IRAG2: variants seen among roughly 807,000 people sequenced by gnomAD.
IRAG2 encodes the protein lymphoid restricted membrane protein.
Under a neutral mutation model 69.9 loss-of-function variants are expected in IRAG2, and 45 were observed. The observed-to-expected ratio is 0.64, with a 90% CI of 0.51 to 0.83. IRAG2 has a LOEUF of 0.83. IRAG2 is among the 40% of genes least tolerant of loss of function. IRAG2 has a pLI of 0.00. For synonymous variants in IRAG2, 193 were observed against 202.4 expected (o/e 0.95, Z 0.40); for missense variants, 520 against 587.0 (o/e 0.89, Z 1.18).
intron 1 of IRAG2, among the ~76,000 whole-genome samples, chr12:25,058,207 C>T (rs1266685703): frequency 6.6e-6 from 1 of 152,144 alleles, no homozygotes; most frequent in East Asian, 1.9e-4. Flanking sequence ...ATTTCACGCT[C>T]CCACCAGCAG....
chr12:25,050,527 CAAA>C, upstream of IRAG2, among the ~76,000 whole-genome samples: 1 of 47,880 alleles, frequency 2.1e-5, no homozygotes, highest in Non-Finnish European at 6.4e-5. Context: ...GACTCCGTCT[CAAA>C]AAAAACAAAC....
At chr12:25,089,952 G>T (rs973014404) in intron 13 of IRAG2, 105 bp from the exon 14 acceptor site, 2 of 1,341,388 alleles carry the variant, frequency 1.5e-6, no homozygotes, top group Admixed American at 1.8e-5. Context: ...TTATGTTGCT[G>T]GGGGGAGAAA....
intron 13 of IRAG2, 69 bp downstream of exon 13, chr12:25,089,859 T>G (rs925436672): frequency 2.2e-5 from 34 of 1,517,150 alleles, no homozygotes; most frequent in African/African-American, 4.1e-5. Flanking sequence ...AGTCACTTCA[T>G]GTTTTGGCAC....
At chr12:25,089,533 G>A in intron 11 of IRAG2, 81 bp from the exon 12 acceptor site, 1 of 757,946 alleles carries the variant, frequency 1.3e-6, no homozygotes, top group Non-Finnish European at 2.2e-6. Context: ...CTTTTGTTTA[G>A]TGGAGATATA....
intron 4 of IRAG2, 146 bp from the exon 5 acceptor site, chr12:25,066,218 AG>A (rs1945974090): frequency 2.6e-6 from 1 of 380,460 alleles, no homozygotes; most frequent in East Asian, 3.8e-5. Flanking sequence ...CTCTGTGATT[AG>A]GCATCAAGGG....
chr12:25,056,949 C>T (rs1451934756), intron 1 of IRAG2, among the ~76,000 whole-genome samples: 1 of 152,190 alleles, frequency 6.6e-6, no homozygotes, highest in Non-Finnish European at 1.5e-5. Flanking sequence ...GGCTCTACCC[C>T]AGCCTTGTAG....
intron 1 of IRAG2, among the ~76,000 whole-genome samples, chr12:25,060,668 C>CTTT (rs753591747): frequency 2.3e-4 from 23 of 99,268 alleles, no homozygotes; most frequent in East Asian, 5.8e-4. Context: ...AATGTATTTT[C>CTTT]TTTTTTTTTT....
intron 15 of IRAG2, among the ~76,000 whole-genome samples, chr12:25,098,995 C>T (rs1045893102): frequency 1.3e-5 from 2 of 152,238 alleles, no homozygotes; most frequent in Non-Finnish European, 2.9e-5. Context: ...CTCTACATCA[C>T]GGGCTGCTCC....
chr12:25,020,187 A>G (rs1470021353), intron 6 of IRAG2, among the ~76,000 whole-genome samples: 1 of 152,248 alleles, frequency 6.6e-6, no homozygotes, highest in Non-Finnish European at 1.5e-5. Context: ...AGGTAACTTC[A>G]TGATATGGAT....
chr12:25,076,803 G>T (rs995980353), intron 6 of IRAG2, among the ~76,000 whole-genome samples: 3 of 151,688 alleles, frequency 2.0e-5, no homozygotes, highest in East Asian at 1.9e-4. Context: ...TTTATGAAGG[G>T]TTACACTCAA....
At chr12:25,096,859 C>T (rs749000564) in intron 14 of IRAG2, 51 bp from the exon 15 acceptor site, 12 of 1,505,792 alleles carry the variant, frequency 8.0e-6, no homozygotes, top group Non-Finnish European at 1.1e-5. Flanking sequence ...GTTAGAATCA[C>T]TCGCTGAATG....
chr12:25,003,523 A>G (rs1944408171), upstream of IRAG2, among the ~76,000 whole-genome samples: 1 of 152,072 alleles, frequency 6.6e-6, no homozygotes, highest in South Asian at 2.1e-4. Context: ...GATTATTTTA[A>G]ATCTTACTAG....
chr12:25,077,220 A>AATAT (rs10627418), intron 6 of IRAG2, among the ~76,000 whole-genome samples: 2 of 36,712 alleles, frequency 5.4e-5, no homozygotes, highest in African/African-American at 1.1e-4. Flanking sequence ...ATATATATGA[A>AATAT]ATATATATGA....
At chr12:25,005,017 G>C (rs1390082197) in intron 1 of IRAG2, 1 of 761,580 alleles carries the variant, frequency 1.3e-6, no homozygotes, top group Non-Finnish European at 1.8e-6. Flanking sequence ...TTAAAGTTTG[G>C]ATGGAATCAT....
chr12:25,058,609 G>A (rs1393624810), intron 1 of IRAG2, among the ~76,000 whole-genome samples: 1 of 152,154 alleles, frequency 6.6e-6, no homozygotes, highest in Admixed American at 6.5e-5. Context: ...ATCCATCATT[G>A]ATAGCTAACA....
At chr12:25,079,324 A>C in intron 7 of IRAG2, 34 bp downstream of exon 7, 1 of 1,611,166 alleles carries the variant, frequency 6.2e-7, no homozygotes, top group Non-Finnish European at 8.5e-7. Context: ...GTGAATTTGT[A>C]TGCATATTTA....
chr12:25,072,845 G>A (rs995816016), intron 6 of IRAG2, among the ~76,000 whole-genome samples: 3 of 152,246 alleles, frequency 2.0e-5, no homozygotes, highest in African/African-American at 7.2e-5. Context: ...AGCCTATATT[G>A]TCAGAATATA....
intron 2 of IRAG2, among the ~76,000 whole-genome samples, chr12:25,009,027 A>G (rs1944454523): frequency 6.6e-6 from 1 of 152,164 alleles, no homozygotes; most frequent in Non-Finnish European, 1.5e-5. Flanking sequence ...AATATGCCAG[A>G]CATGGTAGCT....
chr12:25,051,983 C>A (rs1282557862), upstream of IRAG2, among the ~76,000 whole-genome samples: 1 of 152,142 alleles, frequency 6.6e-6, no homozygotes, highest in Non-Finnish European at 1.5e-5. Context: ...ACTGAACACA[C>A]CAGTGTAAAA....
Sources: allele counts gnomAD v4.1 joint callset (sites outside exome capture counted in the v4.1 genomes callset), GRCh38; gene constraint gnomAD v4.1.1; transcripts MANE v1.5; gene names NCBI Gene and HGNC (gene_info 2026-07-23, HGNC 2026-07-21).